PHEX: variants seen among roughly 807,000 people sequenced by gnomAD.
PHEX encodes phosphate regulating endopeptidase X-linked.
In PHEX, 16 loss-of-function variants were observed where a neutral mutation model predicts 68.0. The observed-to-expected ratio is 0.24, with a 90% CI of 0.16 to 0.36. PHEX has a LOEUF of 0.36. PHEX is among the 10% of genes least tolerant of loss of function. PHEX has a pLI of 1.00. For synonymous variants in PHEX, 208 were observed against 205.1 expected (o/e 1.01, Z -0.12); for missense variants, 480 against 575.5 (o/e 0.83, Z 1.70).
chrX:22,150,832 C>G (rs1034584658), intron 12 of PHEX, among the ~76,000 whole-genome samples: 1 of 112,222 alleles, frequency 8.9e-6, no homozygotes, highest in Admixed American at 9.4e-5. Context: ...ACAAACAGCC[C>G]CAATTGTCCC....
At chrX:22,179,322 A>T (rs897835276) in intron 14 of PHEX, among the ~76,000 whole-genome samples, 13 of 110,560 alleles carry the variant, frequency 1.2e-4, no homozygotes, top group Non-Finnish European at 2.3e-4. Flanking sequence ...TTATTTTTTT[A>T]ACTTATTTTT....
At position 22,249,620 on chromosome X, in the gene PHEX, T is replaced by G. The variant is rs1277242083; in HGVS notation, c.*1667T>G. 1 of 106,094 alleles carries G rather than the reference T, an allele frequency of 9.4e-6. No individual in the cohort carries two copies. The highest frequency in any genetic ancestry group is 3.5e-5 in the African/African-American group (1 of 28,632). The allele number at this position is 106,094 out of a possible 1,213,427, so 8.7% of individuals were successfully genotyped here. A position where few individuals can be genotyped will look rare whatever the true frequency, so the allele number is the denominator to read the frequency against. The stretch of plus-strand genomic sequence containing the variant: ...AGAGGAGAGCGATTTTCCCTTTGAC[T>G]TCTTCCTCTCTGAATGGATAAACTT... On this transcript the variant is annotated 3_prime_UTR_variant, in exon 22 of 22. Coordinates refer to ENST00000379374, the MANE Select transcript of PHEX (RefSeq NM_000444.6).
At chrX:22,205,209 T>G (rs7876470) in intron 15 of PHEX, among the ~76,000 whole-genome samples, 3,878 of 112,103 alleles carry the variant, frequency 0.035, 161 homozygotes, top group African/African-American at 0.12. Flanking sequence ...CCACACATCC[T>G]CAAGCCCATT....
intron 13 of PHEX, among the ~76,000 whole-genome samples, chrX:22,175,347 C>T (rs1433641427): frequency 6.6e-5 from 7 of 105,513 alleles, no homozygotes; most frequent in Non-Finnish European, 9.8e-5. Context: ...TTCTTTACAA[C>T]GTTTTTTTTT....
intron 14 of PHEX, among the ~76,000 whole-genome samples, chrX:22,181,785 C>A (rs1933891104): frequency 9.0e-6 from 1 of 111,150 alleles, no homozygotes; most frequent in Non-Finnish European, 1.9e-5. Context: ...TTGTGGAGAC[C>A]TTTCACTTCT....
intron 20 of PHEX, among the ~76,000 whole-genome samples, chrX:22,231,968 G>T (rs1239199883): frequency 8.9e-6 from 1 of 111,759 alleles, no homozygotes; most frequent in Non-Finnish European, 1.9e-5. Context: ...GGTACATTGT[G>T]TCTTTGTTCT....
intron 11 of PHEX, among the ~76,000 whole-genome samples, chrX:22,125,408 C>T (rs1345048897): frequency 2.7e-5 from 3 of 111,821 alleles, no homozygotes; most frequent in South Asian, 3.7e-4. Flanking sequence ...TATGCCTTTT[C>T]GTTAAGAATT....
rs1165373806 is a variant in PHEX, at chrX:22,036,029, C to T, written c.119-2440C>T. On this transcript the variant is annotated intron_variant, in intron 1 of 21. Transcript: ENST00000379374. ...ACACACACACACACACACACACACA[C>T]ACGTACATATATATATATATATATA... is the stretch of plus-strand genomic sequence containing the variant. Among the ~76,000 whole-genome samples the T allele has an allele frequency of 1.3e-3, 116 of 86,931 alleles. 1 individual carries two copies. Among genetic ancestry groups the T allele is most frequent in the African/African-American group, 4.9e-3 (113 of 23,221 alleles). The allele number at this position is 86,931 out of a possible 115,157, so 75.5% of individuals were successfully genotyped here.
chrX:22,209,560 C>T (rs1278354922), intron 15 of PHEX, among the ~76,000 whole-genome samples: 1 of 109,731 alleles, frequency 9.1e-6, no homozygotes, highest in African/African-American at 3.3e-5. Flanking sequence ...CTCCAAAATG[C>T]TTGCAACAAC....
intron 19 of PHEX, among the ~76,000 whole-genome samples, 182 bp downstream of exon 19, chrX:22,226,690 T>C (rs1569434163): frequency 8.9e-6 from 1 of 111,944 alleles, no homozygotes; most frequent in South Asian, 3.7e-4. Flanking sequence ...TATATTTCTT[T>C]TTTCTTTTTG....
At chrX:22,134,184 C>T (rs1186866423) in intron 12 of PHEX, among the ~76,000 whole-genome samples, 1 of 112,572 alleles carries the variant, frequency 8.9e-6, no homozygotes, top group Non-Finnish European at 1.9e-5. Context: ...CTTAGGACTA[C>T]AAACGTATTT....
intron 18 of PHEX, among the ~76,000 whole-genome samples, chrX:22,224,947 A>AATTATCATACAGCGCTGTATGAGTT (rs1935401806): frequency 8.6e-5 from 2 of 23,250 alleles, no homozygotes; most frequent in African/African-American, 3.4e-4. Flanking sequence ...AAATAACATA[A>AATTATCATACAGCGCTGTATGAGTT]ATTATCATAC....
intron 18 of PHEX, among the ~76,000 whole-genome samples, chrX:22,222,349 T>C (rs1323099255): frequency 8.9e-6 from 1 of 112,133 alleles, no homozygotes; most frequent in African/African-American, 3.2e-5. Flanking sequence ...AAGAAAAGCA[T>C]AGCAGAAAGG....
intron 3 of PHEX, among the ~76,000 whole-genome samples, chrX:22,071,835 T>C (rs1928913612): frequency 8.9e-6 from 1 of 112,606 alleles, no homozygotes; most frequent in African/African-American, 3.2e-5. Flanking sequence ...CGGTGGCTCA[T>C]GCCTGTAATC....
chrX:22,087,301 C>T (rs757810923), intron 5 of PHEX, among the ~76,000 whole-genome samples: 43 of 111,728 alleles, frequency 3.8e-4, no homozygotes, highest in African/African-American at 1.3e-3. Flanking sequence ...GTTTCATGAT[C>T]GTGGCTTGCT....
chrX:22,150,336 G>A (rs979636014), intron 12 of PHEX, among the ~76,000 whole-genome samples: 2 of 111,169 alleles, frequency 1.8e-5, no homozygotes, highest in South Asian at 3.8e-4. Flanking sequence ...AATGGAGGCC[G>A]ATGCTGCTGG....
At chrX:22,048,213 A>G (rs1478912535) in intron 3 of PHEX, among the ~76,000 whole-genome samples, 1 of 111,761 alleles carries the variant, frequency 8.9e-6, no homozygotes, top group Non-Finnish European at 1.9e-5. Flanking sequence ...TATAAATCAC[A>G]TGGACTTATA....
intron 15 of PHEX, among the ~76,000 whole-genome samples, chrX:22,205,614 T>C (rs1297665160): frequency 2.8e-5 from 3 of 108,406 alleles, no homozygotes; most frequent in African/African-American, 1.0e-4. Flanking sequence ...TCAGCATTTA[T>C]AAGTTATTAA....
intron 12 of PHEX, among the ~76,000 whole-genome samples, chrX:22,152,288 T>A (rs966598630): frequency 1.8e-5 from 2 of 111,872 alleles, no homozygotes; most frequent in East Asian, 2.8e-4. Flanking sequence ...GATCTGATGA[T>A]GAAGTAAAGT....
Sources: gnomAD v4.1 joint callset for allele counts (sites outside exome capture counted in the v4.1 genomes callset) on GRCh38, gnomAD v4.1.1 for gene constraint, MANE v1.5 for transcripts, NCBI Gene and HGNC (gene_info 2026-07-23, HGNC 2026-07-21) for gene names.